MDN1: variants seen among roughly 807,000 people sequenced by gnomAD.
The protein encoded by MDN1 is midasin.
Under a neutral mutation model 669.2 loss-of-function variants are expected in MDN1, and 266 were observed. The observed-to-expected ratio is 0.40, with a 90% CI of 0.36 to 0.44. The LOEUF is 0.44. MDN1 is among the 20% of genes least tolerant of loss of function. The probability of loss-of-function intolerance (pLI) is 1.00; values close to 1 mark genes in which losing one functional copy is unlikely to be tolerated. For synonymous variants in MDN1, 2,385 were observed against 2,457.1 expected, an observed-to-expected ratio of 0.97 and a Z score of 0.87; for missense variants, 5,940 against 6,754.0, an observed-to-expected ratio of 0.88 and a Z score of 4.22.
Position 89,740,245 on chromosome 6 carries a change from C to G in MDN1, c.4582G>C (p.Gly1528Arg). 6.2e-7 allele frequency: 1 copy of G among 1,609,606 alleles called. No individual in the cohort carries two copies. The highest frequency in any genetic ancestry group is 8.5e-7 in the Non-Finnish European group (1 of 1,178,676). The stretch of plus-strand genomic sequence containing the variant: ...CAGTAAAGTTTTACCTCCTTTTTTC[C>G]AAAGTCACCCCCAGGGTTCATGGTT... ...LATMNPGGDF[G>R]KKELSPALRN... The change falls in exon 32 of 102, where the codon GGA becomes CGA. Residue 1528 changes from glycine to arginine, a missense_variant. By Grantham distance (125) the Gly-to-Arg change is moderately radical. This residue lies in a region of MDN1 where 2,292 missense variants were observed against 2,638.3 expected (regional missense o/e 0.87). Coordinates refer to ENST00000369393, the MANE Select transcript of MDN1 (RefSeq NM_014611.3).
At chr6:89,752,920 C>T (rs1432978049) in intron 22 of MDN1, among the ~76,000 whole-genome samples, 1 of 151,958 alleles carries the variant, frequency 6.6e-6, no homozygotes, top group East Asian at 1.9e-4. Flanking sequence ...GTCAGGAGTT[C>T]GAGACCAGCC....
intron 20 of MDN1, 52 bp downstream of exon 20, chr6:89,756,225 C>A: frequency 1.2e-6 from 1 of 850,366 alleles, no homozygotes; most frequent in South Asian, 2.0e-5. Flanking sequence ...ACGAGTAGCA[C>A]ATTTTCATGT....
intron 90 of MDN1, 148 bp from the exon 91 acceptor site, chr6:89,656,949 C>A (rs980835702): frequency 6.1e-6 from 4 of 655,596 alleles, no homozygotes; most frequent in Non-Finnish European, 1.0e-5. Context: ...CCCTGGAACT[C>A]ACCGTAACTA....
At position 89,761,747 on chromosome 6, in the gene MDN1, C is replaced by T. The variant is rs137875343; in HGVS notation, c.2358G>A (p.Gly786=). 249 of 1,593,690 alleles carry T rather than the reference C, an allele frequency of 1.6e-4. No homozygotes were observed. Among genetic ancestry groups the T allele is most frequent in the Non-Finnish European group, 1.8e-4 (204 of 1,165,602 alleles). Reference sequence around the variant, plus strand: ...CTTCCCATTTCTCTTTTATGAGTAACCCTAAAAAAGAAAGACAAGAATTCA... The same window carrying T: ...CTTCCCATTTCTCTTTTATGAGTAATCCTAAAAAAGAAAGACAAGAATTCA... ...VNKDGKDSET[G]LLIKEKWEAF... The change falls in exon 17 of 102, where the codon GGG becomes GGA. Residue 786 remains glycine (G), a splice_region_variant and synonymous_variant. Transcript: ENST00000369393.
At chr6:89,780,121 AG>A in intron 11 of MDN1, 90 bp downstream of exon 11, 1 of 697,990 alleles carries the variant, frequency 1.4e-6, no homozygotes, top group Non-Finnish European at 2.3e-6. Context: ...AAAAGAAAAA[AG>A]TCTGATGGCA....
At chr6:89,796,689 T>C (rs1454883959) in intron 2 of MDN1, among the ~76,000 whole-genome samples, 1 of 152,176 alleles carries the variant, frequency 6.6e-6, no homozygotes, top group African/African-American at 2.4e-5. Context: ...TGTACCTTCC[T>C]CTCAATTTTG....
At chr6:89,734,155 C>T (rs1178519335) in intron 33 of MDN1, among the ~76,000 whole-genome samples, 3 of 151,780 alleles carry the variant, frequency 2.0e-5, no homozygotes, top group Non-Finnish European at 4.4e-5. Context: ...CATGGTGGCA[C>T]GTGCCTGTAA....
At chr6:89,707,660 G>T (rs1197846887) in intron 51 of MDN1, among the ~76,000 whole-genome samples, 184 bp from the exon 52 acceptor site, 3 of 152,206 alleles carry the variant, frequency 2.0e-5, no homozygotes, top group African/African-American at 7.2e-5. Flanking sequence ...TGAAAGGAAA[G>T]ATCGATGGAT....
At chr6:89,650,993 C>G (rs772789946) in intron 95 of MDN1, 146 bp from the exon 96 acceptor site, 24 of 608,440 alleles carry the variant, frequency 3.9e-5, no homozygotes, top group Non-Finnish European at 6.1e-5. Flanking sequence ...TCCCAGCAAG[C>G]TACCATGTAA....
rs752320027 is a variant in MDN1, at chr6:89,754,152, C to A, written c.2895G>T (p.Arg965=). The A allele has an allele frequency of 1.9e-6, 3 of 1,614,126 alleles. No homozygotes were observed. The highest frequency in any genetic ancestry group is 1.3e-5 in the African/African-American group (1 of 75,044). The change falls in exon 21 of 102, where the codon CGG becomes CGT. Residue 965 remains arginine (R), a synonymous_variant. Coordinates refer to ENST00000369393, the MANE Select transcript of MDN1 (RefSeq NM_014611.3). ...GTGHRPHYSL[R]TLCRALRFAA... The stretch of plus-strand genomic sequence containing the variant: ...CAAATCGCAGGGCCCGGCACAGAGT[C>A]CGAAGGCTGTAGTGAGGTCTATGGC...
chr6:89,672,898 T>G lies in MDN1; in HGVS notation c.13475-196A>C, dbSNP rs568190685. Among the ~76,000 whole-genome samples, 9 of 152,304 alleles carry G rather than the reference T, an allele frequency of 5.9e-5. No individual in the cohort carries two copies. The East Asian group carries it at 1.7e-3, about 29-fold the overall frequency. ...TTACCTTGTATTAAAACATTTTTACTAAAATAATGTAAAAAATATAAAAAT... is the reference window on the plus strand; with the variant it reads ...TTACCTTGTATTAAAACATTTTTACGAAAATAATGTAAAAAATATAAAAAT... On this transcript the variant is annotated intron_variant, in intron 80 of 101. Transcript: ENST00000369393.
chr6:89,665,582 C>A (rs1810138358), intron 84 of MDN1, among the ~76,000 whole-genome samples: 1 of 151,762 alleles, frequency 6.6e-6, no homozygotes, highest in Admixed American at 6.6e-5. Context: ...TGGTGGGGGC[C>A]TGTAATCCCA....
rs1260019538 is a variant in MDN1, at chr6:89,654,267, T to C, written c.15558A>G (p.Ile5186Met). The change falls in exon 93 of 102, where the codon ATA becomes ATG. Residue 5186 changes from isoleucine (I) to methionine (M), a missense_variant. Around this residue, in one of 5 missense-constraint regions of MDN1, gnomAD observed 2,280 missense variants for 2,576.3 expected, o/e 0.88. Coordinates refer to ENST00000369393, the MANE Select transcript of MDN1 (RefSeq NM_014611.3). ...CCTCTGTGTCCATAAGGGTGTCCTCTATCTCCTCCTCTTCCTGATCTTTGC... is the reference window on the plus strand; with the variant it reads ...CCTCTGTGTCCATAAGGGTGTCCTCCATCTCCTCCTCTTCCTGATCTTTGC... ...DSGKDQEEEEIEDTLMDTEEQ... is the reference protein window; with the variant it reads ...DSGKDQEEEEMEDTLMDTEEQ... The C allele has an allele frequency of 6.2e-7, 1 of 1,614,270 alleles. No homozygotes were observed. The highest frequency in any genetic ancestry group is 8.5e-7 in the Non-Finnish European group (1 of 1,180,046).
intron 2 of MDN1, among the ~76,000 whole-genome samples, chr6:89,795,896 A>G (rs934302015): frequency 1.3e-5 from 2 of 152,168 alleles, no homozygotes; most frequent in African/African-American, 4.8e-5. Flanking sequence ...CGGAGGTTGC[A>G]GTGAGCCGAG....
At chr6:89,652,698 A>G (rs948557510) in intron 94 of MDN1, among the ~76,000 whole-genome samples, 1 of 152,198 alleles carries the variant, frequency 6.6e-6, no homozygotes, top group African/African-American at 2.4e-5. Context: ...GATTCCTTAC[A>G]CAAGGATGGT....
At chr6:89,661,260 C>G (rs768325257) in intron 88 of MDN1, among the ~76,000 whole-genome samples, 171 bp downstream of exon 88, 1 of 152,184 alleles carries the variant, frequency 6.6e-6, no homozygotes, top group Non-Finnish European at 1.5e-5. Flanking sequence ...TAGGGATAAT[C>G]ACATGAGAAA....
At chr6:89,746,605 AAAAAAAAAAGAAAGAAAGAAAG>A (rs1562172815) in intron 27 of MDN1, among the ~76,000 whole-genome samples, 1 of 79,808 alleles carries the variant, frequency 1.3e-5, no homozygotes, top group Non-Finnish European at 2.5e-5. Flanking sequence ...AAAAAAAAAA[AAAAAAAAAAGAAAGAAAGAAAG>A]AAAGAAAGAA....
intron 1 of MDN1, among the ~76,000 whole-genome samples, chr6:89,807,475 C>T (rs1397998831): frequency 6.6e-6 from 1 of 152,154 alleles, no homozygotes; most frequent in Non-Finnish European, 1.5e-5. Context: ...TGCTCCTCTA[C>T]AAGTAAAGTG....
chr6:89,683,360 G>GA (rs1562084122), intron 72 of MDN1, 30 bp from the exon 73 acceptor site: 3 of 1,590,552 alleles, frequency 1.9e-6, no homozygotes, highest in Admixed American at 3.4e-5. Flanking sequence ...GAGATAAGAA[G>GA]AAAAAAACTG....
Sources: gnomAD v4.1 joint callset for allele counts (sites outside exome capture counted in the v4.1 genomes callset) on GRCh38, gnomAD v4.1.1 for gene constraint, gnomAD v4.1.1 regional missense constraint, MANE v1.5 for transcripts, NCBI Gene and HGNC (gene_info 2026-07-23, HGNC 2026-07-21) for gene names.